Variants in MED27 observed in about 807,000 individuals in gnomAD.
MED27 encodes mediator complex subunit 27, also known as mediator of RNA polymerase II transcription subunit 27.
MED27 carries 30 observed loss-of-function variants against 38.2 expected under a neutral mutation model. The observed-to-expected ratio is 0.79, with a 90% confidence interval of 0.59 to 1.07. The LOEUF (loss-of-function observed/expected upper bound fraction) is 1.07. MED27 is among the 50% of genes least tolerant of loss of function. The probability of loss-of-function intolerance (pLI) is 0.00; values close to 1 mark genes in which losing one functional copy is unlikely to be tolerated. For missense variants in MED27, 289 were observed against 397.5 expected (o/e 0.73, Z 2.32); for synonymous variants, 122 against 153.5 (o/e 0.79, Z 1.52).
intron 3 of MED27, among the ~76,000 whole-genome samples, chr9:131,992,785 T>C (rs1226835106): frequency 6.6e-6 from 1 of 152,130 alleles, no homozygotes; most frequent in African/African-American, 2.4e-5. Context: ...CCTTCCTCCT[T>C]GCCCCTTGCT....
chr9:132,053,263 A>G (rs566065929), intron 2 of MED27, among the ~76,000 whole-genome samples: 4 of 151,744 alleles, frequency 2.6e-5, no homozygotes, highest in African/African-American at 9.7e-5. Flanking sequence ...CAAAAAAAAA[A>G]AAAAAAGAAA....
intron 2 of MED27, among the ~76,000 whole-genome samples, chr9:132,050,943 T>C (rs1394052868): frequency 6.6e-6 from 1 of 152,228 alleles, no homozygotes; most frequent in Admixed American, 6.5e-5. Flanking sequence ...CAATAACTAC[T>C]GGATGACTGA....
intron 3 of MED27, among the ~76,000 whole-genome samples, chr9:131,949,413 C>T (rs1830946994): frequency 6.6e-6 from 1 of 152,020 alleles, no homozygotes; most frequent in South Asian, 2.1e-4. Context: ...GTAAGCAGGG[C>T]AAGCAGAAAA....
At chr9:132,050,097 C>T (rs1440557907) in intron 2 of MED27, among the ~76,000 whole-genome samples, 4 of 152,060 alleles carry the variant, frequency 2.6e-5, no homozygotes, top group South Asian at 2.1e-4. Flanking sequence ...CCGAACAATC[C>T]GTCACCAAAA....
At chr9:132,039,049 G>A (rs1833146516) in intron 2 of MED27, among the ~76,000 whole-genome samples, 1 of 152,194 alleles carries the variant, frequency 6.6e-6, no homozygotes. Flanking sequence ...TAAACACTAT[G>A]ATTTTGGTCT....
chr9:132,079,128 T>G (rs568972571), intron 1 of MED27, among the ~76,000 whole-genome samples: 11 of 152,026 alleles, frequency 7.2e-5, no homozygotes, highest in Admixed American at 6.5e-4. Flanking sequence ...GGGGAAAAGG[T>G]GAAGACAGCT....
intron 4 of MED27, among the ~76,000 whole-genome samples, chr9:131,916,667 GTA>G (rs1320836896): frequency 1.3e-5 from 2 of 152,130 alleles, no homozygotes; most frequent in Non-Finnish European, 2.9e-5. Flanking sequence ...CCTGTATCTA[GTA>G]CCAAGGGCTC....
intron 3 of MED27, among the ~76,000 whole-genome samples, chr9:131,985,940 T>G (rs1831839512): frequency 6.6e-6 from 1 of 151,112 alleles, no homozygotes; most frequent in Admixed American, 6.6e-5. Context: ...GTCTTTGGTT[T>G]TAGCAAAAAA....
At chr9:131,976,134 G>A (rs552384456) in intron 3 of MED27, among the ~76,000 whole-genome samples, 27 of 152,250 alleles carry the variant, frequency 1.8e-4, no homozygotes, top group African/African-American at 6.3e-4. Context: ...GTTGTGTGTG[G>A]ACCAGAGCTG....
chr9:132,045,413 T>TAC (rs61360267), intron 2 of MED27, among the ~76,000 whole-genome samples: 2,905 of 144,460 alleles, frequency 0.02, 39 homozygotes, highest in Middle Eastern at 0.046. Context: ...AAGAGGAAAT[T>TAC]ACACACACAC....
intron 2 of MED27, among the ~76,000 whole-genome samples, chr9:132,045,354 T>C (rs1400453158): frequency 6.6e-6 from 1 of 151,718 alleles, no homozygotes; most frequent in Admixed American, 6.6e-5. Flanking sequence ...ATACATATGA[T>C]TTGTATGTAT....
intron 3 of MED27, among the ~76,000 whole-genome samples, chr9:131,944,681 G>C (rs1156682682): frequency 6.6e-6 from 1 of 151,862 alleles, no homozygotes; most frequent in Non-Finnish European, 1.5e-5. Flanking sequence ...ACAGGCACCC[G>C]CCACCATGCC....
At chr9:131,925,775 TGCGGGG>T (rs1428196108) in intron 4 of MED27, among the ~76,000 whole-genome samples, 1 of 152,136 alleles carries the variant, frequency 6.6e-6, no homozygotes, top group Non-Finnish European at 1.5e-5. Context: ...CAGCAGCTCC[TGCGGGG>T]GCGGTGGGGG....
At chr9:132,019,424 C>A (rs1463160114) in intron 2 of MED27, among the ~76,000 whole-genome samples, 1 of 152,200 alleles carries the variant, frequency 6.6e-6, no homozygotes, top group East Asian at 1.9e-4. Context: ...TAGGTGCTCA[C>A]TGTCAAGATA....
Position 132,079,857 on chromosome 9 carries a change from A to G in MED27, c.-13T>C. 6.4e-7 allele frequency: 1 copy of G among 1,568,310 alleles called. No individual in the cohort carries two copies. The highest frequency in any genetic ancestry group is 8.7e-7 in the Non-Finnish European group (1 of 1,155,396). The stretch of plus-strand genomic sequence containing the variant: ...TCACGTCCGCCATGTTGCCGCCGCC[A>G]CAGCAGCTCTCCAAAGCCGGCTTCG... On this transcript the variant is annotated 5_prime_UTR_variant, in exon 1 of 8. Coordinates refer to ENST00000292035, the MANE Select transcript of MED27 (RefSeq NM_004269.4).
At chr9:131,905,622 TGG>T (rs1442679981) in intron 4 of MED27, among the ~76,000 whole-genome samples, 1 of 134,128 alleles carries the variant, frequency 7.5e-6, no homozygotes, top group African/African-American at 2.9e-5. Flanking sequence ...TTCTTGAGCC[TGG>T]GAGGTTGAGG....
At chr9:131,974,436 G>A (rs1831559385) in intron 3 of MED27, among the ~76,000 whole-genome samples, 1 of 152,178 alleles carries the variant, frequency 6.6e-6, no homozygotes, top group South Asian at 2.1e-4. Context: ...AGTTCTGTTA[G>A]TAGACTGAAC....
At chr9:131,929,978 G>A (rs1383968044) in intron 4 of MED27, among the ~76,000 whole-genome samples, 1 of 152,212 alleles carries the variant, frequency 6.6e-6, no homozygotes, top group African/African-American at 2.4e-5. Flanking sequence ...TCTCAGGAGT[G>A]GTGGCCACAG....
At chr9:132,041,519 C>T (rs1343123428) in intron 2 of MED27, among the ~76,000 whole-genome samples, 1 of 152,214 alleles carries the variant, frequency 6.6e-6, no homozygotes, top group Non-Finnish European at 1.5e-5. Flanking sequence ...CCGACTGCAG[C>T]GTCCACAGAG....
Sources: gnomAD v4.1 joint callset for allele counts (sites outside exome capture counted in the v4.1 genomes callset) on GRCh38, gnomAD v4.1.1 for gene constraint, MANE v1.5 for transcripts, NCBI Gene and HGNC (gene_info 2026-07-23, HGNC 2026-07-21) for gene names.